The following DENND6A variants were observed in gnomAD, a reference collection of about 807,000 sequenced individuals.
DENND6A encodes protein DENND6A.
Under a neutral mutation model 95.5 loss-of-function variants are expected in DENND6A, and 43 were observed. The observed-to-expected ratio is 0.45, with a 90% CI of 0.35 to 0.58. DENND6A has a LOEUF of 0.58. Among genes scored for constraint, DENND6A ranks in the 20% least tolerant of loss-of-function variants. The probability of loss-of-function intolerance (pLI) is 0.00; values close to 1 mark genes in which losing one functional copy is unlikely to be tolerated. For missense variants in DENND6A, 574 were observed against 736.0 expected (o/e 0.78, Z 2.55); for synonymous variants, 257 against 260.4 (o/e 0.99, Z 0.13).
chr3:57,648,401 A>G (rs1294279634), intron 9 of DENND6A, among the ~76,000 whole-genome samples: 2 of 152,216 alleles, frequency 1.3e-5, no homozygotes, highest in Admixed American at 6.5e-5. Flanking sequence ...GGTAGAGTCA[A>G]TATTGTAAAA....
At chr3:57,656,432 T>TGGATA (rs1385608208) in intron 9 of DENND6A, among the ~76,000 whole-genome samples, 2 of 152,224 alleles carry the variant, frequency 1.3e-5, no homozygotes, top group East Asian at 1.9e-4. Flanking sequence ...TACCAGTTGA[T>TGGATA]GGATACTTCG....
At chr3:57,629,678 ATTTTTTTT>A (rs1208541846) in intron 18 of DENND6A, among the ~76,000 whole-genome samples, 2 of 136,494 alleles carry the variant, frequency 1.5e-5, no homozygotes, top group African/African-American at 5.4e-5. Context: ...CGCCCGGCTA[ATTTTTTTT>A]TTTTTTTTTG....
chr3:57,626,007 A>C lies in DENND6A; in HGVS notation c.*2207T>G, dbSNP rs1167018747. 2 of 152,662 alleles carry C rather than the reference A, an allele frequency of 1.3e-5. No individual in the cohort carries two copies. Among genetic ancestry groups the C allele is most frequent in the African/African-American group, 4.8e-5 (2 of 41,458 alleles). 9.5% of individuals were successfully genotyped at this position (152,662 alleles called of 1,614,324 possible). A position where few individuals can be genotyped will look rare whatever the true frequency, so the allele number is the denominator to read the frequency against. On this transcript the variant is annotated 3_prime_UTR_variant, in exon 20 of 20. Coordinates refer to ENST00000311128, the MANE Select transcript of DENND6A (RefSeq NM_152678.3). The stretch of plus-strand genomic sequence containing the variant: ...AAATATACCTTTTTGAAAAATAATA[A>C]GATGACCATTTATACCTAAATAAGG...
rs1334842387 is a variant in DENND6A, at chr3:57,641,733, A to C, written c.1052T>G (p.Leu351Ter). The C allele has an allele frequency of 5.0e-6, 8 of 1,613,266 alleles. No homozygotes were observed. The highest frequency in any genetic ancestry group is 1.3e-5 in the African/African-American group (1 of 75,006). ...TRTQAPPSVI[L>*]GVTNPFFAKT... ...AGCAAAAAAAGGGTTGGTTACTCCT[A>C]ATATAACTGAGGGCCTATAAAAAAC... is the stretch of plus-strand genomic sequence containing the variant. Residue 351 changes from leucine (L) to a stop codon, truncating the protein, a stop_gained, in exon 12 of 20, where the codon TTA becomes TGA. Transcript: ENST00000311128. LOFTEE classifies it high-confidence loss of function.
chr3:57,642,924 T>G (rs1347194128), intron 11 of DENND6A, among the ~76,000 whole-genome samples: 1 of 150,542 alleles, frequency 6.6e-6, no homozygotes, highest in East Asian at 2.0e-4. Flanking sequence ...GAGAATCACT[T>G]GAACCCAGGA....
rs1224014475 is a variant in DENND6A at position 57,626,703 on chromosome 3, C to CCG, written c.*1510_*1511insCG. On this transcript the variant is annotated 3_prime_UTR_variant, in exon 20 of 20. Coordinates refer to ENST00000311128, the MANE Select transcript of DENND6A (RefSeq NM_152678.3). ...CAGCCTGGGCAACAAGAGCAAAACTCCATCTCAAAAAAAAAAAAAGTGGCT... is the reference window on the plus strand; with the variant it reads ...CAGCCTGGGCAACAAGAGCAAAACTCCGCATCTCAAAAAAAAAAAAAGTGGCT... 6.6e-6 allele frequency: 1 copy of CCG among 151,502 alleles called. No individual in the cohort carries two copies. Among genetic ancestry groups the CCG allele is most frequent in the Non-Finnish European group, 1.5e-5 (1 of 68,084 alleles). The allele number at this position is 151,502 out of a possible 1,614,324, so 9.4% of individuals were successfully genotyped here. A position where few individuals can be genotyped will look rare whatever the true frequency, so the allele number is the denominator to read the frequency against.
At position 57,626,542 on chromosome 3, in the gene DENND6A, T is replaced by G. The variant is rs953820708; in HGVS notation, c.*1672A>C. On this transcript the variant is annotated 3_prime_UTR_variant, in exon 20 of 20. Coordinates refer to ENST00000311128, the MANE Select transcript of DENND6A (RefSeq NM_152678.3). Reference sequence around the variant, plus strand: ...CTGACCAACATGGAGAAACCCCATCTCTACTAAAAATACAAAATTAGCCAG... The same window carrying G: ...CTGACCAACATGGAGAAACCCCATCGCTACTAAAAATACAAAATTAGCCAG... 3.3e-5 allele frequency: 5 copies of G among 152,064 alleles called. No homozygotes were observed. Among genetic ancestry groups the G allele is most frequent in the Non-Finnish European group, 7.3e-5 (5 of 68,030 alleles). The allele number at this position is 152,064 out of a possible 1,614,324, so 9.4% of individuals were successfully genotyped here. A position where few individuals can be genotyped will look rare whatever the true frequency, so the allele number is the denominator to read the frequency against.
In DENND6A at chr3:57,628,799, T is replaced by C. The variant is rs747586694; in HGVS notation, c.1695+12A>G. ...AAAGTCAATTTAATCTTTGGCTGTT[T>C]TGGCTACATACCAGCTTATTTTTCA... On this transcript the variant is annotated intron_variant, in intron 19 of 19. Transcript: ENST00000311128. 1.2e-6 allele frequency: 2 copies of C among 1,607,462 alleles called. No homozygotes were observed. Among genetic ancestry groups the C allele is most frequent in the South Asian group, 2.2e-5 (2 of 89,606 alleles).
intron 9 of DENND6A, 92 bp downstream of exon 9, chr3:57,657,588 C>T: frequency 1.2e-6 from 1 of 808,722 alleles, no homozygotes; most frequent in Non-Finnish European, 1.9e-6. Flanking sequence ...CCAATTTTTT[C>T]CACATCCTAT....
chr3:57,660,530 C>G (rs1220240034), intron 7 of DENND6A, among the ~76,000 whole-genome samples: 1 of 151,918 alleles, frequency 6.6e-6, no homozygotes, highest in Non-Finnish European at 1.5e-5. Flanking sequence ...GGAAACATGG[C>G]AAGATTCTGT....
intron 7 of DENND6A, among the ~76,000 whole-genome samples, chr3:57,660,077 T>C (rs2071394786): frequency 1.3e-5 from 2 of 152,132 alleles, no homozygotes; most frequent in Non-Finnish European, 2.9e-5. Flanking sequence ...GGAAGCAAAA[T>C]GTATTGCAAT....
chr3:57,649,630 G>GA (rs10576642), intron 9 of DENND6A, among the ~76,000 whole-genome samples: 25 of 146,392 alleles, frequency 1.7e-4, no homozygotes, highest in Admixed American at 2.7e-4. Context: ...ATCAATGAGT[G>GA]AAAAAAAAAA....
rs1220570842 is a variant in DENND6A at position 57,627,481 on chromosome 3, T to A, written c.*733A>T. The A allele has an allele frequency of 6.6e-6, 1 of 151,892 alleles. No homozygotes were observed. The highest frequency in any genetic ancestry group is 1.5e-5 in the Non-Finnish European group (1 of 68,026). 9.4% of individuals were successfully genotyped at this position (151,892 alleles called of 1,614,324 possible). A position where few individuals can be genotyped will look rare whatever the true frequency, so the allele number is the denominator to read the frequency against. On this transcript the variant is annotated 3_prime_UTR_variant, in exon 20 of 20. Transcript: ENST00000311128. ...TAGTAAAGGGTAAGAGAAAATAAAC[T>A]CTTCCATCATTAATACTAGATGCCT...
intron 9 of DENND6A, among the ~76,000 whole-genome samples, chr3:57,652,555 G>A (rs1022049616): frequency 2.0e-5 from 3 of 152,164 alleles, no homozygotes; most frequent in Admixed American, 1.3e-4. Context: ...GTTCTTTTAA[G>A]CCTAAGTATT....
At chr3:57,667,837 A>G (rs6779748) in intron 3 of DENND6A, among the ~76,000 whole-genome samples, 113,729 of 152,128 alleles carry the variant, frequency 0.75, 44,638 homozygotes, top group East Asian at 1. Flanking sequence ...AGGCCAAGGC[A>G]GGTGGATCTC....
intron 3 of DENND6A, among the ~76,000 whole-genome samples, chr3:57,670,858 C>A (rs540047896): frequency 3.0e-4 from 46 of 152,312 alleles, no homozygotes; most frequent in African/African-American, 9.6e-4. Context: ...ATCCATACAA[C>A]TCAGCTTACT....
chr3:57,654,672 C>T (rs2071286942), intron 9 of DENND6A: 1 of 985,240 alleles, frequency 1.0e-6, no homozygotes. Context: ...AATGAGGAAA[C>T]TATTTCTGTG....
In DENND6A at chr3:57,663,705, A is replaced by G; in HGVS notation, c.444T>C (p.Ala148=). Residue 148 remains alanine, a synonymous_variant, in exon 5 of 20, where the codon GCT becomes GCC. Transcript: ENST00000311128. The stretch of plus-strand genomic sequence containing the variant: ...GGAAATACACATATCCATAAAAATA[A>G]GCAGGATCCTTCTAAGAAGAAAGTG... ...DLPVYLKKDP[A]YFYGYVYFRQ... 6.3e-7 allele frequency: 1 copy of G among 1,576,656 alleles called. No individual in the cohort carries two copies.
At chr3:57,630,111 CT>C (rs1272976887) in intron 18 of DENND6A, among the ~76,000 whole-genome samples, 1 of 152,166 alleles carries the variant, frequency 6.6e-6, no homozygotes, top group African/African-American at 2.4e-5. Flanking sequence ...TGCAAGTGGA[CT>C]CCAGCACACT....
Sources: gnomAD v4.1 joint callset for allele counts (sites outside exome capture counted in the v4.1 genomes callset) on GRCh38, gnomAD v4.1.1 for gene constraint, MANE v1.5 for transcripts, NCBI Gene and HGNC (gene_info 2026-07-23, HGNC 2026-07-21) for gene names.